Variants in GIPC2 observed in about 807,000 individuals in gnomAD.
The protein encoded by GIPC2 is PDZ domain-containing protein GIPC2.
In GIPC2, 30 loss-of-function variants were observed where a neutral mutation model predicts 30.6. The observed-to-expected ratio is 0.98, with a 90% CI of 0.73 to 1.33. GIPC2 has a LOEUF of 1.33. GIPC2 is among the 40% of genes most tolerant of loss of function. The probability of loss-of-function intolerance (pLI) is 0.00; values close to 1 mark genes in which losing one functional copy is unlikely to be tolerated. For synonymous variants in GIPC2, 167 were observed against 150.0 expected, an observed-to-expected ratio of 1.11 and a Z score of -0.83; for missense variants, 414 against 390.3, an observed-to-expected ratio of 1.06 and a Z score of -0.51.
At chr1:78,129,031 TG>T (rs1391645106) in intron 5 of GIPC2, among the ~76,000 whole-genome samples, 23 of 129,460 alleles carry the variant, frequency 1.8e-4, no homozygotes, top group Admixed American at 9.8e-4. Flanking sequence ...AATAAATAAA[TG>T]AAAAAAAAAA....
intron 3 of GIPC2, among the ~76,000 whole-genome samples, chr1:78,114,622 G>C (rs1557547528): frequency 6.6e-6 from 1 of 151,850 alleles, no homozygotes; most frequent in Admixed American, 6.6e-5. Context: ...AGATGGCTTG[G>C]CAAATACATA....
At chr1:78,067,212 G>GGA (rs1482033638) in intron 1 of GIPC2, among the ~76,000 whole-genome samples, 1 of 152,080 alleles carries the variant, frequency 6.6e-6, no homozygotes, top group African/African-American at 2.4e-5. Context: ...CAGATGGGGA[G>GGA]GAGGGTTTCA....
intron 5 of GIPC2, among the ~76,000 whole-genome samples, chr1:78,132,698 TAGAG>T (rs1553146046): frequency 6.7e-6 from 1 of 150,320 alleles, no homozygotes; most frequent in Non-Finnish European, 1.5e-5. Context: ...TGTGTGTGTG[TAGAG>T]AGAGAAATTG....
At position 78,119,441 on chromosome 1, in the gene GIPC2, G is replaced by T. The variant is rs778051625; in HGVS notation, c.656G>T (p.Gly219Val). 3.7e-6 allele frequency: 6 copies of T among 1,613,488 alleles called. No individual in the cohort carries two copies. The Admixed American group carries it at 1.0e-4, about 27-fold the overall frequency. Reference protein sequence around the residue: ...KAGKSSGEKIGCGRATLRLRS... With the variant: ...KAGKSSGEKIVCGRATLRLRS... ...GGAAAGTCATCAGGAGAAAAAATTGGTTGTGGAAGGGCAACACTTCGCCTG... is the reference window on the plus strand; with the variant it reads ...GGAAAGTCATCAGGAGAAAAAATTGTTTGTGGAAGGGCAACACTTCGCCTG... The change falls in exon 4 of 6, where the codon GGT (glycine) becomes GTT (valine). Residue 219 changes from glycine (G) to valine (V), a missense_variant. Transcript: ENST00000370759.
intron 3 of GIPC2, among the ~76,000 whole-genome samples, chr1:78,099,234 C>T (rs543330791): frequency 6.6e-6 from 1 of 152,056 alleles, no homozygotes; most frequent in Non-Finnish European, 1.5e-5. Context: ...CTACTGTATA[C>T]CATCACCATA....
chr1:78,097,110 CA>C (rs1189636330), intron 3 of GIPC2, among the ~76,000 whole-genome samples: 1 of 152,158 alleles, frequency 6.6e-6, no homozygotes, highest in African/African-American at 2.4e-5. Context: ...AGCTCTTTGC[CA>C]GAGAGGGGAG....
intron 4 of GIPC2, among the ~76,000 whole-genome samples, chr1:78,121,065 T>C (rs1044070416): frequency 6.6e-6 from 1 of 152,182 alleles, no homozygotes; most frequent in Non-Finnish European, 1.5e-5. Context: ...TCCTTTTAGT[T>C]TGAGAAAAGC....
intron 1 of GIPC2, among the ~76,000 whole-genome samples, chr1:78,059,325 A>C (rs1388419933): frequency 6.6e-6 from 1 of 152,208 alleles, no homozygotes; most frequent in East Asian, 1.9e-4. Flanking sequence ...TTCAATTAAA[A>C]ATATTCCAGT....
chr1:78,094,866 C>A, intron 2 of GIPC2, 86 bp from the exon 3 acceptor site: 3 of 951,398 alleles, frequency 3.2e-6, no homozygotes, highest in Non-Finnish European at 4.8e-6. Context: ...CAGGCCCAAA[C>A]CTGCTTAGCT....
At chr1:78,056,614 T>C (rs1448273296) in intron 1 of GIPC2, among the ~76,000 whole-genome samples, 1 of 152,242 alleles carries the variant, frequency 6.6e-6, no homozygotes, top group African/African-American at 2.4e-5. Flanking sequence ...TAACAAAATT[T>C]TTATTAAATA....
At chr1:78,117,896 CACA>C (rs1662598213) in intron 3 of GIPC2, among the ~76,000 whole-genome samples, 1 of 152,138 alleles carries the variant, frequency 6.6e-6, no homozygotes, top group South Asian at 2.1e-4. Context: ...CGGAGATGCA[CACA>C]AAACTCTGAG....
intron 4 of GIPC2, among the ~76,000 whole-genome samples, chr1:78,121,272 C>CCGTGGG (rs1040806442): frequency 6.6e-6 from 1 of 152,080 alleles, no homozygotes; most frequent in Admixed American, 6.5e-5. Context: ...CAAAGCCCTC[C>CCGTGGG]CGTGGGCAGA....
intron 1 of GIPC2, among the ~76,000 whole-genome samples, chr1:78,074,060 G>T (rs144611073): frequency 2.6e-5 from 4 of 152,230 alleles, no homozygotes; most frequent in Admixed American, 6.5e-5. Flanking sequence ...TTTATGAGGA[G>T]AAATGCAATC....
intron 1 of GIPC2, among the ~76,000 whole-genome samples, chr1:78,058,688 A>T (rs759718669): frequency 1.3e-5 from 2 of 152,218 alleles, no homozygotes; most frequent in Non-Finnish European, 2.9e-5. Flanking sequence ...ATACATATTA[A>T]TGGCTTTGAG....
chr1:78,110,537 G>A (rs1337131198), intron 3 of GIPC2, among the ~76,000 whole-genome samples: 2 of 152,206 alleles, frequency 1.3e-5, no homozygotes, highest in Non-Finnish European at 1.5e-5. Flanking sequence ...CTGGTGACAT[G>A]CACACTAAAC....
chr1:78,091,980 A>C (rs630245), intron 2 of GIPC2: 319,017 of 1,308,854 alleles, frequency 0.24, 41,664 homozygotes, highest in East Asian at 0.48. Context: ...AAGAACTTCA[A>C]CCCCACAGTG....
chr1:78,049,893 C>CTTTT lies in GIPC2; in HGVS notation c.240+3577_240+3580dup, dbSNP rs35263483. Among the ~76,000 whole-genome samples the CTTTT allele has an allele frequency of 2.7e-3, 264 of 98,416 alleles. 3 individuals carry two copies. Among genetic ancestry groups the CTTTT allele is most frequent in the Non-Finnish European group, 3.8e-3 (185 of 48,854 alleles). 64.6% of individuals were successfully genotyped at this position (98,416 alleles called of 152,430 possible). Reference sequence around the variant, plus strand: ...TCCAAATACGAACCCAGAAAAACCTCTTTTTTTTTTTTTTTTTTTTTGAGA... The same window carrying CTTTT: ...TCCAAATACGAACCCAGAAAAACCTCTTTTTTTTTTTTTTTTTTTTTTTTTGAGA... On this transcript the variant is annotated intron_variant, in intron 1 of 5. Coordinates refer to ENST00000370759, the MANE Select transcript of GIPC2 (RefSeq NM_017655.6).
intron 1 of GIPC2, chr1:78,069,195 C>A (rs1661572828): frequency 1.9e-6 from 1 of 527,556 alleles, no homozygotes. Context: ...GGCTGCTCTT[C>A]ACCCTTTCCC....
chr1:78,078,187 C>CAAAAAAAAAAAAAAAAAAAAAAAAAAA (rs10694093), intron 1 of GIPC2, among the ~76,000 whole-genome samples: 1 of 65,108 alleles, frequency 1.5e-5, no homozygotes. Context: ...GACTCCATCT[C>CAAAAAAAAAAAAAAAAAAAAAAAAAAA]AAAAAAAAAA....
Sources: gnomAD v4.1 joint callset for allele counts (sites outside exome capture counted in the v4.1 genomes callset) on GRCh38, gnomAD v4.1.1 for gene constraint, MANE v1.5 for transcripts, NCBI Gene and HGNC (gene_info 2026-07-23, HGNC 2026-07-21) for gene names.